The following TENM4 variants were observed in gnomAD, a reference collection of about 807,000 sequenced individuals.
TENM4 encodes the protein teneurin transmembrane protein 4, also known as teneurin-4.
A neutral mutation model predicts 243.3 loss-of-function variants in TENM4; 82 were observed. The observed-to-expected ratio is 0.34, with a 90% confidence interval of 0.28 to 0.40. TENM4 has a LOEUF of 0.40. TENM4 is among the 10% of genes least tolerant of loss of function. The probability of loss-of-function intolerance (pLI) is 1.00; values close to 1 mark genes in which losing one functional copy is unlikely to be tolerated. For synonymous variants in TENM4, 1,412 were observed against 1,456.3 expected (o/e 0.97, Z 0.69); for missense variants, 3,138 against 3,673.3 (o/e 0.85, Z 3.77).
chr11:78,854,265 G>A lies in TENM4; in HGVS notation c.1520C>T (p.Ala507Val), dbSNP rs981953897. The change falls in exon 12 of 34, where the codon GCG (alanine) becomes GTG (valine). Residue 507 changes from alanine to valine, a missense_variant. By Grantham distance (64) the Ala-to-Val change is moderately conservative (BLOSUM62 0). This residue lies in a region of TENM4 where 2,467 missense variants were observed against 3,059.1 expected (regional missense o/e 0.81). Coordinates refer to ENST00000278550, the MANE Select transcript of TENM4 (RefSeq NM_001098816.3). ...LDGRRLLTQE[A>V]RSLEGTPRQS... is the part of the protein sequence containing the mutation. The stretch of plus-strand genomic sequence containing the variant: ...GCGCGGGGTCCCCTCTAGGCTCCGC[G>A]CCTCCTGGGTTAGGAGCCTCCTGCC... 2.1e-5 allele frequency: 32 copies of A among 1,540,354 alleles called. No homozygotes were observed. Among genetic ancestry groups the A allele is most frequent in the African/African-American group, 5.5e-5 (4 of 72,480 alleles).
At chr11:79,345,709 T>G (rs1176855570) in intron 1 of TENM4, among the ~76,000 whole-genome samples, 1 of 152,240 alleles carries the variant, frequency 6.6e-6, no homozygotes, top group Non-Finnish European at 1.5e-5. Flanking sequence ...AACTATAACC[T>G]ACTTCATACA....
intron 1 of TENM4, among the ~76,000 whole-genome samples, chr11:79,315,268 T>C (rs1246902070): frequency 1.3e-5 from 2 of 152,130 alleles, no homozygotes; most frequent in African/African-American, 4.8e-5. Flanking sequence ...CGAGCAGAGC[T>C]CCCTGGATCC....
At chr11:79,123,877 T>C (rs1861801882) in intron 4 of TENM4, among the ~76,000 whole-genome samples, 1 of 152,180 alleles carries the variant, frequency 6.6e-6, no homozygotes, top group Admixed American at 6.5e-5. Flanking sequence ...TCTCAGAGCC[T>C]TTAGTGTGCT....
At chr11:79,123,123 A>G (rs542686519) in intron 4 of TENM4, among the ~76,000 whole-genome samples, 3 of 152,284 alleles carry the variant, frequency 2.0e-5, no homozygotes, top group Admixed American at 1.3e-4. Context: ...GGGAAAGGGA[A>G]CTCAGACCCT....
chr11:79,432,909 A>G (rs1389177830), intron 1 of TENM4, among the ~76,000 whole-genome samples: 1 of 152,198 alleles, frequency 6.6e-6, no homozygotes, highest in East Asian at 1.9e-4. Context: ...GCTCAGCCTT[A>G]CTGAGCTTCA....
intron 24 of TENM4, among the ~76,000 whole-genome samples, chr11:78,720,975 C>T (rs1299889760): frequency 6.6e-6 from 1 of 152,122 alleles, no homozygotes; most frequent in African/African-American, 2.4e-5. Flanking sequence ...CTTATATCTC[C>T]CTTCTTCACC....
intron 4 of TENM4, among the ~76,000 whole-genome samples, chr11:79,113,576 G>A (rs753233654): frequency 9.9e-5 from 15 of 151,566 alleles, no homozygotes; most frequent in Non-Finnish European, 1.6e-4. Flanking sequence ...AAGCTTGCAA[G>A]CGGAAACATG....
At chr11:78,895,461 C>A (rs1324527585) in intron 7 of TENM4, among the ~76,000 whole-genome samples, 1 of 152,076 alleles carries the variant, frequency 6.6e-6, no homozygotes, top group African/African-American at 2.4e-5. Context: ...ATGTGCCCTG[C>A]CCTCATACCC....
intron 15 of TENM4, among the ~76,000 whole-genome samples, chr11:78,789,281 G>A (rs1396233885): frequency 1.6e-5 from 2 of 128,596 alleles, no homozygotes; most frequent in East Asian, 1.9e-4. Context: ...TCTCTCTAGC[G>A]ACCTGCCTGT....
chr11:78,969,936 A>T (rs1049810964), intron 6 of TENM4, among the ~76,000 whole-genome samples: 1 of 152,282 alleles, frequency 6.6e-6, no homozygotes, highest in African/African-American at 2.4e-5. Flanking sequence ...TCAGTGGCAC[A>T]CTGCCCTGAT....
At chr11:78,951,692 A>G (rs1477928900) in intron 6 of TENM4, among the ~76,000 whole-genome samples, 2 of 152,022 alleles carry the variant, frequency 1.3e-5, no homozygotes. Context: ...TTCCTCTTTT[A>G]TAAGGACACT....
chr11:79,063,060 C>T (rs1397164512), intron 6 of TENM4, among the ~76,000 whole-genome samples: 1 of 152,166 alleles, frequency 6.6e-6, no homozygotes, highest in African/African-American at 2.4e-5. Context: ...CACCCTCCCA[C>T]CCCTAGACAA....
At chr11:78,778,207 C>A (rs551788864) in intron 17 of TENM4, among the ~76,000 whole-genome samples, 1 of 151,606 alleles carries the variant, frequency 6.6e-6, no homozygotes, top group African/African-American at 2.4e-5. Flanking sequence ...GGGTCTCTTC[C>A]TTTCTCAGGC....
At chr11:78,708,983 T>TA (rs1162088327) in intron 26 of TENM4, among the ~76,000 whole-genome samples, 6 of 145,166 alleles carry the variant, frequency 4.1e-5, no homozygotes, top group African/African-American at 1.4e-4. Context: ...TTTTTTTTTT[T>TA]TAAAAAAAGA....
Position 78,656,964 on chromosome 11 carries a change from A to G in TENM4, c.*1094T>C. On this transcript the variant is annotated 3_prime_UTR_variant, in exon 34 of 34. Coordinates refer to ENST00000278550, the MANE Select transcript of TENM4 (RefSeq NM_001098816.3). ...TTTCCAGAATCAAAGGCCACCAAGC[A>G]CCTCCCTCCACATTCCTACGTCTCA... is the stretch of plus-strand genomic sequence containing the variant. 1 of 397,598 alleles carries G rather than the reference A, an allele frequency of 2.5e-6. No individual in the cohort carries two copies. The highest frequency in any genetic ancestry group is 4.4e-6 in the Non-Finnish European group (1 of 225,804). The allele number at this position is 397,598 out of a possible 1,614,324, so 24.6% of individuals were successfully genotyped here.
intron 1 of TENM4, among the ~76,000 whole-genome samples, chr11:79,313,979 C>T (rs1016010911): frequency 5.9e-5 from 9 of 152,172 alleles, no homozygotes; most frequent in Admixed American, 5.9e-4. Context: ...GCAGCCCAAG[C>T]CTTTCTTCTA....
At chr11:79,226,370 G>C (rs184844286) in intron 2 of TENM4, among the ~76,000 whole-genome samples, 7 of 152,346 alleles carry the variant, frequency 4.6e-5, no homozygotes, top group Admixed American at 6.5e-5. Context: ...CTAGCAGAGG[G>C]GGAGAGGGGT....
Position 78,771,004 on chromosome 11 carries a change from C to T in TENM4, c.2527G>A (p.Asp843Asn). ...GCCAGAGCCCTACCTCCATCATTGT[C>T]TTTGCTGTCACCGCAGGCAGTCTCC... ...SMETACGDSKDNDGDGLVDCM... is the reference protein window; with the variant it reads ...SMETACGDSKNNDGDGLVDCM... Residue 843 changes from aspartate to asparagine, a missense_variant, in exon 18 of 34, where the codon GAC becomes AAC. Asp to Asn is a conservative substitution (Grantham distance 23). Coordinates refer to ENST00000278550, the MANE Select transcript of TENM4 (RefSeq NM_001098816.3). The T allele has an allele frequency of 6.3e-7, 1 of 1,584,910 alleles. No individual in the cohort carries two copies. Among genetic ancestry groups the T allele is most frequent in the Non-Finnish European group, 8.6e-7 (1 of 1,165,526 alleles).
At chr11:79,127,142 T>C (rs748759353) in intron 4 of TENM4, among the ~76,000 whole-genome samples, 12 of 152,194 alleles carry the variant, frequency 7.9e-5, no homozygotes, top group African/African-American at 2.4e-4. Context: ...AACTCCCACA[T>C]TGGCTCCCTG....
Sources: gnomAD v4.1 joint callset for allele counts (sites outside exome capture counted in the v4.1 genomes callset) on GRCh38, gnomAD v4.1.1 for gene constraint, gnomAD v4.1.1 regional missense constraint, MANE v1.5 for transcripts, NCBI Gene and HGNC (gene_info 2026-07-23, HGNC 2026-07-21) for gene names.